The following PTPRK variants were observed in gnomAD, a reference collection of about 807,000 sequenced individuals.
PTPRK encodes receptor-type tyrosine-protein phosphatase kappa.
A neutral mutation model predicts 178.0 loss-of-function variants in PTPRK; 75 were observed. The ratio of observed to expected loss-of-function variants is 0.42; its 90% CI spans 0.35 to 0.51. PTPRK has a LOEUF of 0.51. Among genes scored for constraint, PTPRK ranks in the 20% least tolerant of loss-of-function variants. The pLI, the probability that PTPRK is intolerant of heterozygous loss-of-function variation, is 0.02. For synonymous variants in PTPRK, 637 were observed against 620.6 expected (o/e 1.03, Z -0.39); for missense variants, 1,441 against 1,797.8 (o/e 0.80, Z 3.59).
intron 3 of PTPRK, among the ~76,000 whole-genome samples, chr6:128,316,339 G>C (rs976061202): frequency 2.0e-5 from 3 of 152,060 alleles, no homozygotes; most frequent in Non-Finnish European, 4.4e-5. Flanking sequence ...ATCATGCATT[G>C]AACAAACAAT....
At chr6:128,244,632 C>T (rs756543796) in intron 3 of PTPRK, among the ~76,000 whole-genome samples, 2 of 152,114 alleles carry the variant, frequency 1.3e-5, no homozygotes, top group African/African-American at 4.8e-5. Flanking sequence ...AAGGTGAGAG[C>T]GTCTCTGATG....
At position 128,442,414 on chromosome 6, in the gene PTPRK, T is replaced by C. The variant is rs1369078074; in HGVS notation, c.101-44726A>G. Among the ~76,000 whole-genome samples, 3 of 152,238 alleles carry C rather than the reference T, an allele frequency of 2.0e-5. No individual in the cohort carries two copies. In the South Asian group the frequency reaches 6.2e-4, roughly 32 times the overall value. Reference sequence around the variant, plus strand: ...ACATCTAACCTCCTCCTAGACCCCATACCCACCTCAAGTAAACTATTTTTC... The same window carrying C: ...ACATCTAACCTCCTCCTAGACCCCACACCCACCTCAAGTAAACTATTTTTC... On this transcript the variant is annotated intron_variant, in intron 1 of 29. Transcript: ENST00000368226.
chr6:128,183,842 C>T (rs1283131828), intron 7 of PTPRK, among the ~76,000 whole-genome samples: 1 of 151,984 alleles, frequency 6.6e-6, no homozygotes, highest in African/African-American at 2.4e-5. Flanking sequence ...ATTTTCACTA[C>T]TCAGTTTTAG....
At chr6:128,486,519 T>C (rs923651300) in intron 1 of PTPRK, among the ~76,000 whole-genome samples, 11 of 152,156 alleles carry the variant, frequency 7.2e-5, no homozygotes, top group African/African-American at 2.4e-4. Flanking sequence ...AATTTATGAA[T>C]ATGGCCAGGC....
intron 3 of PTPRK, among the ~76,000 whole-genome samples, chr6:128,299,089 G>C (rs1238922065): frequency 2.6e-5 from 4 of 152,076 alleles, no homozygotes; most frequent in Admixed American, 6.6e-5. Flanking sequence ...GACAAACAGA[G>C]AGCCAAATCA....
At position 128,313,519 on chromosome 6, in the gene PTPRK, T is replaced by A. The variant is rs374523676; in HGVS notation, c.495+8520A>T. 8.5e-5 allele frequency among the ~76,000 whole-genome samples: 13 copies of A among 152,084 alleles called. No homozygotes were observed. The East Asian group carries it at 1.2e-3, about 14-fold the overall frequency. Reference sequence around the variant, plus strand: ...TGGCAGAAGTGGACATAAAGTTGGGTCTTAAAGGACAAACAGAACTTGGAC... The same window carrying A: ...TGGCAGAAGTGGACATAAAGTTGGGACTTAAAGGACAAACAGAACTTGGAC... On this transcript the variant is annotated intron_variant, in intron 3 of 29. Coordinates refer to ENST00000368226, the MANE Select transcript of PTPRK (RefSeq NM_002844.4).
chr6:128,268,259 T>A (rs968683619), intron 3 of PTPRK, among the ~76,000 whole-genome samples: 3 of 152,040 alleles, frequency 2.0e-5, no homozygotes, highest in African/African-American at 4.8e-5. Flanking sequence ...TTTTGCTTCA[T>A]GATACAATTT....
chr6:128,025,696 C>T (rs1054664597), intron 13 of PTPRK, among the ~76,000 whole-genome samples: 27 of 152,164 alleles, frequency 1.8e-4, no homozygotes, highest in African/African-American at 6.0e-4. Context: ...GCTGCTGAGG[C>T]TCTAGAAGAG....
At chr6:127,992,170 T>A (rs1776686021) in intron 19 of PTPRK, among the ~76,000 whole-genome samples, 1 of 151,808 alleles carries the variant, frequency 6.6e-6, no homozygotes, top group African/African-American at 2.4e-5. Context: ...TATAACAAGA[T>A]CTCTCTACTG....
intron 13 of PTPRK, among the ~76,000 whole-genome samples, chr6:128,012,437 T>C (rs1779158307): frequency 6.6e-6 from 1 of 151,280 alleles, no homozygotes; most frequent in Admixed American, 6.6e-5. Flanking sequence ...CTGAGTTCTG[T>C]TTATAATTTC....
chr6:127,973,851 T>A (rs1583463437), intron 27 of PTPRK, 24 bp from the exon 28 acceptor site: 1 of 1,599,370 alleles, frequency 6.3e-7, no homozygotes, highest in East Asian at 2.2e-5. Flanking sequence ...TGTTTTTATG[T>A]AAATACGCTG....
chr6:128,225,643 T>A (rs2128276163), intron 5 of PTPRK, among the ~76,000 whole-genome samples: 1 of 152,294 alleles, frequency 6.6e-6, no homozygotes, highest in Admixed American at 6.5e-5. Context: ...CATGAAAGTA[T>A]TTCACAGAAA....
At chr6:128,099,240 A>G (rs1235228107) in intron 7 of PTPRK, among the ~76,000 whole-genome samples, 1 of 151,202 alleles carries the variant, frequency 6.6e-6, no homozygotes, top group Non-Finnish European at 1.5e-5. Flanking sequence ...GCTTAGGTGC[A>G]TAAATAGTAC....
intron 2 of PTPRK, among the ~76,000 whole-genome samples, chr6:128,378,239 C>A (rs1837378775): frequency 6.6e-6 from 1 of 151,980 alleles, no homozygotes; most frequent in South Asian, 2.1e-4. Flanking sequence ...TGAGTAGTTC[C>A]TATTGAACCA....
At chr6:128,435,029 A>ACAGGAAGGCAGGAAGG (rs1158217908) in intron 1 of PTPRK, among the ~76,000 whole-genome samples, 15 of 111,096 alleles carry the variant, frequency 1.4e-4, no homozygotes, top group Middle Eastern at 5.2e-3. Flanking sequence ...AGGAAGTAAG[A>ACAGGAAGGCAGGAAGG]CAGGAAGGCA....
chr6:128,119,560 C>T (rs1398433527), intron 7 of PTPRK, among the ~76,000 whole-genome samples: 1 of 151,862 alleles, frequency 6.6e-6, no homozygotes, highest in Non-Finnish European at 1.5e-5. Flanking sequence ...CCAGTTATTT[C>T]CAGGAATAAG....
intron 1 of PTPRK, among the ~76,000 whole-genome samples, chr6:128,489,808 T>C (rs557703607): frequency 2.6e-5 from 4 of 152,314 alleles, no homozygotes; most frequent in Admixed American, 6.5e-5. Flanking sequence ...AGAAATAAAC[T>C]TTTTATAATT....
chr6:128,451,868 T>C (rs150562045), intron 1 of PTPRK, among the ~76,000 whole-genome samples: 41 of 152,322 alleles, frequency 2.7e-4, no homozygotes, highest in Non-Finnish European at 4.9e-4. Context: ...GAACTAAGTC[T>C]AGCTATCTAC....
At chr6:128,238,035 ATAAGT>A in intron 5 of PTPRK, 1 of 452,564 alleles carries the variant, frequency 2.2e-6, no homozygotes, top group Non-Finnish European at 4.4e-6. Context: ...ATGTAAGTGA[ATAAGT>A]TAAGGTAATT....
Sources: allele counts gnomAD v4.1 joint callset (sites outside exome capture counted in the v4.1 genomes callset), GRCh38; gene constraint gnomAD v4.1.1; transcripts MANE v1.5; gene names NCBI Gene and HGNC (gene_info 2026-07-23, HGNC 2026-07-21).